RPAP2: variants seen among roughly 807,000 people sequenced by gnomAD.
RPAP2 encodes RNA polymerase II associated protein 2, also known as putative RNA polymerase II subunit B1 CTD phosphatase RPAP2.
In RPAP2, 52 loss-of-function variants were observed where a neutral mutation model predicts 73.1. The ratio of observed to expected loss-of-function variants is 0.71; its 90% CI spans 0.57 to 0.90. The LOEUF (loss-of-function observed/expected upper bound fraction) is 0.90. RPAP2 is among the 40% of genes least tolerant of loss of function. The pLI is 0.00. For missense variants in RPAP2, 598 were observed against 701.8 expected (o/e 0.85, Z 1.67); for synonymous variants, 225 against 242.1 (o/e 0.93, Z 0.65).
At chr1:92,321,626 C>T (rs568228054) in intron 7 of RPAP2, among the ~76,000 whole-genome samples, 8 of 152,090 alleles carry the variant, frequency 5.3e-5, no homozygotes, top group African/African-American at 1.4e-4. Context: ...TTCCCTTTTT[C>T]GTAATTCTTC....
chr1:92,326,710 G>T (rs536387520), intron 8 of RPAP2, among the ~76,000 whole-genome samples: 44 of 152,220 alleles, frequency 2.9e-4, no homozygotes, highest in Non-Finnish European at 5.0e-4. Flanking sequence ...CCTCTGCTGT[G>T]TCATGCAGGT....
chr1:92,305,326 G>C (rs1382317995), intron 5 of RPAP2, among the ~76,000 whole-genome samples: 1 of 149,978 alleles, frequency 6.7e-6, no homozygotes, highest in Non-Finnish European at 1.5e-5. Context: ...CCAGCTACTC[G>C]GGAGGCTGAG....
At chr1:92,378,296 C>T (rs1655478450) in intron 11 of RPAP2, among the ~76,000 whole-genome samples, 1 of 152,282 alleles carries the variant, frequency 6.6e-6, no homozygotes, top group African/African-American at 2.4e-5. Context: ...CCTCCGCCTC[C>T]TGGGTTCAAG....
chr1:92,371,387 G>T (rs1278889107), intron 11 of RPAP2, among the ~76,000 whole-genome samples: 1 of 150,562 alleles, frequency 6.6e-6, no homozygotes, highest in Non-Finnish European at 1.5e-5. Flanking sequence ...GGGTGGGTAG[G>T]TATCTAGGTA....
At chr1:92,371,259 C>G (rs1157854162) in intron 11 of RPAP2, among the ~76,000 whole-genome samples, 1 of 150,510 alleles carries the variant, frequency 6.6e-6, no homozygotes, top group East Asian at 1.9e-4. Flanking sequence ...GAGCTGAGAT[C>G]GTGCCATTGC....
At chr1:92,385,066 C>T (rs995684337) in intron 12 of RPAP2, among the ~76,000 whole-genome samples, 4 of 150,506 alleles carry the variant, frequency 2.7e-5, no homozygotes, top group Non-Finnish European at 5.9e-5. Context: ...CCCAGCTACT[C>T]GGGAGGCTGA....
At position 92,389,995 on chromosome 1, in the gene RPAP2, C is replaced by T. The variant is rs1036207925; in HGVS notation, c.*2984C>T. The T allele has an allele frequency of 1.3e-5, 2 of 152,198 alleles. No homozygotes were observed. The highest frequency in any genetic ancestry group is 2.9e-5 in the Non-Finnish European group (2 of 68,042). 9.4% of individuals were successfully genotyped at this position (152,198 alleles called of 1,614,324 possible). On this transcript the variant is annotated 3_prime_UTR_variant, in exon 13 of 13. Coordinates refer to ENST00000610020, the MANE Select transcript of RPAP2 (RefSeq NM_024813.3). ...TTCAGGATATTATCCAGGAGAGCTTCCCCAACCTAGCAAGGAAGGCCAACA... is the reference window on the plus strand; with the variant it reads ...TTCAGGATATTATCCAGGAGAGCTTTCCCAACCTAGCAAGGAAGGCCAACA...
chr1:92,300,339 A>C, intron 2 of RPAP2, 100 bp downstream of exon 2: 1 of 900,718 alleles, frequency 1.1e-6, no homozygotes, highest in Non-Finnish European at 1.8e-6. Flanking sequence ...TTTTTTAGAG[A>C]AAATTATCAT....
At position 92,361,461 on chromosome 1, in the gene RPAP2, A is replaced by G. The variant is rs576087619; in HGVS notation, c.1688+15547A>G. On this transcript the variant is annotated intron_variant, in intron 11 of 12. Transcript: ENST00000610020. ...ATTGTTGATATTATGGACTTATGGC[A>G]TAGATTTGATAACACTGGTAAAATT... 2.6e-5 allele frequency among the ~76,000 whole-genome samples: 4 copies of G among 152,296 alleles called. No homozygotes were observed. The South Asian group carries it at 8.3e-4, about 32-fold the overall frequency.
In RPAP2 at chr1:92,396,634, A is replaced by ATGTGTGTGTG. The variant is rs34824136; in HGVS notation, c.*9638_*9647dup. 1,200 of 149,968 alleles carry ATGTGTGTGTG rather than the reference A, an allele frequency of 8.0e-3. 16 individuals are homozygous for ATGTGTGTGTG. Among genetic ancestry groups the ATGTGTGTGTG allele is most frequent in the East Asian group, 0.056 (280 of 5,004 alleles). 9.3% of individuals were successfully genotyped at this position (149,968 alleles called of 1,614,324 possible). On this transcript the variant is annotated 3_prime_UTR_variant, in exon 13 of 13. Coordinates refer to ENST00000610020, the MANE Select transcript of RPAP2 (RefSeq NM_024813.3). Reference sequence around the variant, plus strand: ...AAGTTGTAATTTTTGCACAACTTTTATGTGTGTGTGTGTGTGTGTGTGTGA... The same window carrying ATGTGTGTGTG: ...AAGTTGTAATTTTTGCACAACTTTTATGTGTGTGTGTGTGTGTGTGTGTGTGTGTGTGTGA...
At chr1:92,324,770 G>T (rs1215353320) in intron 8 of RPAP2, among the ~76,000 whole-genome samples, 2 of 152,112 alleles carry the variant, frequency 1.3e-5, no homozygotes, top group Non-Finnish European at 2.9e-5. Context: ...CCATGGAATA[G>T]ACTTGGTAGT....
Position 92,300,251 on chromosome 1 carries a change from A to G in RPAP2, c.119+12A>G. 2 of 1,596,410 alleles carry G rather than the reference A, an allele frequency of 1.3e-6. No homozygotes were observed. Among genetic ancestry groups the G allele is most frequent in the Non-Finnish European group, 1.7e-6 (2 of 1,164,476 alleles). ...GATGCTTCTAAAAGGTATGACAGCTACATGGACAACTACATTGGCATATCT... is the reference window on the plus strand; with the variant it reads ...GATGCTTCTAAAAGGTATGACAGCTGCATGGACAACTACATTGGCATATCT... On this transcript the variant is annotated intron_variant, in intron 2 of 12. Coordinates refer to ENST00000610020, the MANE Select transcript of RPAP2 (RefSeq NM_024813.3).
chr1:92,397,494 G>A lies in RPAP2; in HGVS notation c.*10483G>A, dbSNP rs1656213816. The A allele has an allele frequency of 6.6e-6, 1 of 152,108 alleles. No homozygotes were observed. The allele number at this position is 152,108 out of a possible 1,614,324, so 9.4% of individuals were successfully genotyped here. On this transcript the variant is annotated 3_prime_UTR_variant, in exon 13 of 13. Coordinates refer to ENST00000610020, the MANE Select transcript of RPAP2 (RefSeq NM_024813.3). ...TTATCTCACATGCCCTACAAGTCTA[G>A]AGACCTCAGGTGAGGAGCCAGTAGC...
In RPAP2 at chr1:92,301,599, T is replaced by G; in HGVS notation, c.234+9T>G. 8.6e-7 allele frequency: 1 copy of G among 1,160,676 alleles called. No individual in the cohort carries two copies. The highest frequency in any genetic ancestry group is 1.2e-6 in the Non-Finnish European group (1 of 820,902). The allele number at this position is 1,160,676 out of a possible 1,614,324, so 71.9% of individuals were successfully genotyped here. ...AGTTCCTAATGGAGTGTGTATGTGT[T>G]AAGTTGACAAATTATTAGTTTTGTA... On this transcript the variant is annotated intron_variant, in intron 3 of 12. Transcript: ENST00000610020.
intron 11 of RPAP2, among the ~76,000 whole-genome samples, chr1:92,353,745 A>T (rs1352504705): frequency 6.6e-6 from 1 of 152,176 alleles, no homozygotes; most frequent in Non-Finnish European, 1.5e-5. Flanking sequence ...CAATAATTAG[A>T]TTATTTCTAT....
intron 8 of RPAP2, 55 bp from the exon 9 acceptor site, chr1:92,333,336 A>G: frequency 7.1e-7 from 1 of 1,401,696 alleles, no homozygotes; most frequent in Admixed American, 1.7e-5. Context: ...CTGCTTATCA[A>G]AGAAAGAATG....
chr1:92,373,619 T>C (rs977851099), intron 11 of RPAP2, among the ~76,000 whole-genome samples: 1 of 151,494 alleles, frequency 6.6e-6, no homozygotes, highest in Non-Finnish European at 1.5e-5. Context: ...TGTAAGGCCA[T>C]GTACAGTGGC....
At position 92,382,557 on chromosome 1, in the gene RPAP2, A is replaced by G. The variant is rs575889869; in HGVS notation, c.1838+1684A>G. ...ATTTTTTCATGTGTCTTTTGGCTGC[A>G]TAAATGTCTTCTTTTGAGAAGTGTC... On this transcript the variant is annotated intron_variant, in intron 12 of 12. Coordinates refer to ENST00000610020, the MANE Select transcript of RPAP2 (RefSeq NM_024813.3). Among the ~76,000 whole-genome samples, 295 of 152,246 alleles carry G rather than the reference A, an allele frequency of 1.9e-3. 1 individual carries two copies. The highest frequency in any genetic ancestry group is 3.5e-3 in the Non-Finnish European group (241 of 68,018).
chr1:92,332,373 A>G (rs1189498140), intron 8 of RPAP2, among the ~76,000 whole-genome samples: 1 of 152,038 alleles, frequency 6.6e-6, no homozygotes, highest in African/African-American at 2.4e-5. Flanking sequence ...TTTTTCTTTG[A>G]ATATATTAAA....
Sources: gnomAD v4.1 joint callset for allele counts (sites outside exome capture counted in the v4.1 genomes callset) on GRCh38, gnomAD v4.1.1 for gene constraint, MANE v1.5 for transcripts, NCBI Gene and HGNC (gene_info 2026-07-23, HGNC 2026-07-21) for gene names.